The following FIP1L1 variants were observed in gnomAD, a reference collection of about 807,000 sequenced individuals.
The protein encoded by FIP1L1 is pre-mRNA 3'-end-processing factor FIP1.
FIP1L1 carries 21 observed loss-of-function variants against 84.6 expected under a neutral mutation model. The observed-to-expected ratio is 0.25, with a 90% confidence interval of 0.18 to 0.36. The LOEUF (loss-of-function observed/expected upper bound fraction) is 0.36. Ranked by LOEUF, FIP1L1 falls within the 10% of genes least tolerant of loss-of-function variation. FIP1L1 has a pLI of 1.00. For missense variants in FIP1L1, 526 were observed against 751.1 expected, an observed-to-expected ratio of 0.70 and a Z score of 3.50; for synonymous variants, 263 against 242.3, an observed-to-expected ratio of 1.09 and a Z score of -0.80.
At chr4:53,407,636 G>T (rs1443768512) in intron 10 of FIP1L1, among the ~76,000 whole-genome samples, 1 of 152,034 alleles carries the variant, frequency 6.6e-6, no homozygotes, top group Non-Finnish European at 1.5e-5. Context: ...TTTATTGTAT[G>T]GGAGTCTAAG....
Position 53,420,304 on chromosome 4 carries a change from C to T in FIP1L1, c.924-5568C>T, listed in dbSNP as rs558362085. 3.4e-5 allele frequency among the ~76,000 whole-genome samples: 5 copies of T among 147,430 alleles called. No homozygotes were observed. The South Asian group carries it at 6.4e-4, about 19-fold the overall frequency. Reference sequence around the variant, plus strand: ...AAAAATAGCTGGGCGTGGTAGCATGCGTCCGTAATCCCAGCTCGGGAGGCT... The same window carrying T: ...AAAAATAGCTGGGCGTGGTAGCATGTGTCCGTAATCCCAGCTCGGGAGGCT... On this transcript the variant is annotated intron_variant, in intron 11 of 17. Coordinates refer to ENST00000337488, the MANE Select transcript of FIP1L1 (RefSeq NM_030917.4).
intron 16 of FIP1L1, among the ~76,000 whole-genome samples, chr4:53,457,350 A>C (rs1428182704): frequency 6.6e-6 from 1 of 152,062 alleles, no homozygotes. Flanking sequence ...ATGCCTCCAC[A>C]CTCCAAATAC....
chr4:53,388,606 A>T (rs1272779830), intron 5 of FIP1L1, among the ~76,000 whole-genome samples: 1 of 152,128 alleles, frequency 6.6e-6, no homozygotes, highest in Non-Finnish European at 1.5e-5. Flanking sequence ...AAGTGCTGGG[A>T]TTACAGGCGT....
chr4:53,434,214 A>G (rs527652067), intron 13 of FIP1L1, among the ~76,000 whole-genome samples: 2 of 152,314 alleles, frequency 1.3e-5, no homozygotes, highest in Admixed American at 1.3e-4. Context: ...TATGTATAAT[A>G]CACTCATTAC....
At chr4:53,421,384 A>AT (rs922185622) in intron 11 of FIP1L1, among the ~76,000 whole-genome samples, 15 of 152,200 alleles carry the variant, frequency 9.9e-5, no homozygotes, top group African/African-American at 3.6e-4. Context: ...AATTGTGCAC[A>AT]TATCTACCCC....
At position 53,452,950 on chromosome 4, in the gene FIP1L1, C is replaced by T; in HGVS notation, c.1316C>T (p.Pro439Leu). 1 of 1,612,928 alleles carries T rather than the reference C, an allele frequency of 6.2e-7. No homozygotes were observed. The highest frequency in any genetic ancestry group is 1.9e-4 in the Middle Eastern group (1 of 5,328). ...TTTCCCCATCTTCCTGGTTCTGCTC[C>T]TTCGTGGCCTAGTCTTGTGGACACC... ...VAFPHLPGSA[P>L]SWPSLVDTSK... The change falls in exon 16 of 18, where the codon CCT becomes CTT. Residue 439 changes from proline (P) to leucine (L), a missense_variant. Physicochemically the swap from Pro to Leu is moderately conservative, Grantham distance 98. Coordinates refer to ENST00000337488, the MANE Select transcript of FIP1L1 (RefSeq NM_030917.4).
In FIP1L1 at chr4:53,400,043, C is replaced by T. The variant is rs545138623; in HGVS notation, c.815+204C>T. 9.9e-5 allele frequency among the ~76,000 whole-genome samples: 15 copies of T among 152,170 alleles called. 1 individual carries two copies. The South Asian group carries it at 1.7e-3, about 17-fold the overall frequency. On this transcript the variant is annotated intron_variant, in intron 10 of 17. Coordinates refer to ENST00000337488, the MANE Select transcript of FIP1L1 (RefSeq NM_030917.4). ...CCTAGGGTAAGCAAGAAGTGAAGTG[C>T]GGTATATAGTTTTGTGTATGAATAA...
In FIP1L1 at chr4:53,377,718, G is replaced by T; in HGVS notation, c.-121G>T. The stretch of plus-strand genomic sequence containing the variant: ...GTCGCCTTCCTGGGATTGGAGTCTC[G>T]AGCTTTCTTCGTTCGTTCGTCGGCG... On this transcript the variant is annotated 5_prime_UTR_variant, in exon 1 of 18. Transcript: ENST00000337488. 1.1e-6 allele frequency: 1 copy of T among 906,818 alleles called. No individual in the cohort carries two copies. 56.2% of individuals were successfully genotyped at this position (906,818 alleles called of 1,614,324 possible).
chr4:53,443,550 T>C, intron 14 of FIP1L1, among the ~76,000 whole-genome samples: 1 of 152,298 alleles, frequency 6.6e-6, no homozygotes, highest in East Asian at 1.9e-4. Context: ...ACCCTGCATA[T>C]GATTTTCAGA....
chr4:53,431,730 T>A (rs1392620092), intron 13 of FIP1L1, among the ~76,000 whole-genome samples: 1 of 152,186 alleles, frequency 6.6e-6, no homozygotes, highest in Non-Finnish European at 1.5e-5. Context: ...TAGAAAGAAA[T>A]TCCCTGGTTT....
intron 10 of FIP1L1, among the ~76,000 whole-genome samples, chr4:53,402,551 A>C (rs1431422558): frequency 6.6e-6 from 1 of 152,088 alleles, no homozygotes; most frequent in African/African-American, 2.4e-5. Context: ...AAAATACAAA[A>C]ATTAGCTGGG....
chr4:53,397,025 A>G (rs879521233), intron 9 of FIP1L1, among the ~76,000 whole-genome samples: 10 of 152,248 alleles, frequency 6.6e-5, no homozygotes, highest in Admixed American at 1.3e-4. Context: ...AGAGAGTTCT[A>G]AGACATTCAA....
At chr4:53,441,209 G>C (rs1771774444) in intron 13 of FIP1L1, among the ~76,000 whole-genome samples, 1 of 151,680 alleles carries the variant, frequency 6.6e-6, no homozygotes, top group Admixed American at 6.6e-5. Context: ...TTTATAGTGT[G>C]ATATCACACC....
chr4:53,456,566 G>C (rs1469943255), intron 16 of FIP1L1, among the ~76,000 whole-genome samples: 1 of 152,098 alleles, frequency 6.6e-6, no homozygotes, highest in Non-Finnish European at 1.5e-5. Context: ...ATGGCATGTA[G>C]TATATGTTGC....
rs1747542828 is a variant in FIP1L1, at chr4:53,396,658, C to T, written c.706-3072C>T. On this transcript the variant is annotated intron_variant, in intron 9 of 17. Transcript: ENST00000337488. Reference sequence around the variant, plus strand: ...TGACCTCGTGATCCACCCACCTCGGCCTCCCAAAGCGCTGGGATTACAGGC... The same window carrying T: ...TGACCTCGTGATCCACCCACCTCGGTCTCCCAAAGCGCTGGGATTACAGGC... Among the ~76,000 whole-genome samples the T allele has an allele frequency of 2.0e-5, 3 of 152,188 alleles. No homozygotes were observed. In the South Asian group the frequency reaches 6.2e-4, roughly 31 times the overall value.
intron 9 of FIP1L1, among the ~76,000 whole-genome samples, chr4:53,397,071 A>T (rs1461799693): frequency 6.6e-6 from 1 of 152,240 alleles, no homozygotes; most frequent in African/African-American, 2.4e-5. Context: ...AAGAATGTTT[A>T]TGTGCAGAAA....
intron 13 of FIP1L1, among the ~76,000 whole-genome samples, chr4:53,431,908 C>G (rs1443201891): frequency 2.6e-5 from 4 of 152,162 alleles, no homozygotes; most frequent in African/African-American, 4.8e-5. Flanking sequence ...TCCTCTCACC[C>G]TTAAACACAC....
chr4:53,451,113 C>A (rs923519000), intron 15 of FIP1L1, among the ~76,000 whole-genome samples: 1 of 151,624 alleles, frequency 6.6e-6, no homozygotes, highest in South Asian at 2.1e-4. Flanking sequence ...TACAGGCATG[C>A]GCCACCATGC....
intron 15 of FIP1L1, among the ~76,000 whole-genome samples, chr4:53,448,772 C>T (rs1488120856): frequency 6.6e-6 from 1 of 152,078 alleles, no homozygotes; most frequent in Non-Finnish European, 1.5e-5. Context: ...TTGAGTTTAT[C>T]AGTGATCAAG....
Sources: gnomAD v4.1 joint callset for allele counts (sites outside exome capture counted in the v4.1 genomes callset) on GRCh38, gnomAD v4.1.1 for gene constraint, MANE v1.5 for transcripts, NCBI Gene and HGNC (gene_info 2026-07-23, HGNC 2026-07-21) for gene names.